LRRTM4: variants seen among roughly 807,000 people sequenced by gnomAD.
The protein encoded by LRRTM4 is leucine-rich repeat transmembrane neuronal protein 4.
In LRRTM4, 25 loss-of-function variants were observed where a neutral mutation model predicts 47.6. The observed-to-expected ratio is 0.53, with a 90% CI of 0.38 to 0.73. The LOEUF (loss-of-function observed/expected upper bound fraction) is 0.73. LRRTM4 is among the 30% of genes least tolerant of loss of function. LRRTM4 has a pLI of 0.00. For missense variants in LRRTM4, 638 were observed against 713.4 expected (o/e 0.89, Z 1.20); for synonymous variants, 311 against 269.5 (o/e 1.15, Z -1.51).
intron 3 of LRRTM4, among the ~76,000 whole-genome samples, chr2:77,376,502 C>A (rs932505129): frequency 6.6e-6 from 1 of 150,414 alleles, no homozygotes; most frequent in Non-Finnish European, 1.5e-5. Context: ...TGCTTAACAT[C>A]CTGTAATCTG....
chr2:77,100,113 A>T (rs2103908569), intron 3 of LRRTM4, among the ~76,000 whole-genome samples: 1 of 152,248 alleles, frequency 6.6e-6, no homozygotes, highest in East Asian at 1.9e-4. Flanking sequence ...TTTACACATT[A>T]ACCTCCTTGT....
rs529313472 is a variant in LRRTM4, at chr2:77,266,748, G to C, written c.1551+251570C>G. On this transcript the variant is annotated intron_variant, in intron 3 of 3. Transcript: ENST00000409884. ...AGGAGGACAGTTCTGCAAATCAACA[G>C]AACTGTTGGGGCTTCAGACTGCAGG... 3.9e-5 allele frequency among the ~76,000 whole-genome samples: 6 copies of C among 152,226 alleles called. No individual in the cohort carries two copies. In the South Asian group the frequency reaches 1.2e-3, roughly 32 times the overall value.
At chr2:76,798,626 C>A (rs972640558) in intron 3 of LRRTM4, among the ~76,000 whole-genome samples, 4 of 151,074 alleles carry the variant, frequency 2.6e-5, no homozygotes, top group Admixed American at 6.6e-5. Flanking sequence ...GAAATAGAGA[C>A]ACAAAAAACC....
chr2:76,758,155 T>C (rs986167340), intron 3 of LRRTM4, among the ~76,000 whole-genome samples: 4 of 152,194 alleles, frequency 2.6e-5, no homozygotes, highest in African/African-American at 9.6e-5. Flanking sequence ...CTGAGAAGGA[T>C]GCAACTGATT....
chr2:76,786,665 C>G (rs918917366), intron 3 of LRRTM4, among the ~76,000 whole-genome samples: 1 of 152,046 alleles, frequency 6.6e-6, no homozygotes, highest in Admixed American at 6.6e-5. Context: ...CAGATGCATT[C>G]AGACAACTTC....
At chr2:77,483,922 C>G (rs144116506) in intron 3 of LRRTM4, among the ~76,000 whole-genome samples, 1 of 152,246 alleles carries the variant, frequency 6.6e-6, no homozygotes, top group Non-Finnish European at 1.5e-5. Context: ...GTCTATCTGT[C>G]AATCTTGTAT....
chr2:77,031,930 A>G (rs560227702), intron 3 of LRRTM4, among the ~76,000 whole-genome samples: 47 of 152,166 alleles, frequency 3.1e-4, no homozygotes, highest in African/African-American at 9.9e-4. Flanking sequence ...TCAGGCCCCT[A>G]ACCCTAACAT....
chr2:77,264,308 G>GAGAGGGAGAGAGAGAGAC (rs374514504), intron 3 of LRRTM4, among the ~76,000 whole-genome samples: 4,476 of 152,010 alleles, frequency 0.029, 245 homozygotes, highest in African/African-American at 0.1. Context: ...GAAAGCGAGA[G>GAGAGGGAGAGAGAGAGAC]AGAGGGAGAG....
At chr2:77,048,324 A>C (rs560552452) in intron 3 of LRRTM4, among the ~76,000 whole-genome samples, 1 of 152,144 alleles carries the variant, frequency 6.6e-6, no homozygotes, top group Non-Finnish European at 1.5e-5. Flanking sequence ...AGGGAAGTGG[A>C]CCCATACATG....
chr2:77,000,096 T>A (rs1329891087), intron 3 of LRRTM4, among the ~76,000 whole-genome samples: 2 of 152,128 alleles, frequency 1.3e-5, no homozygotes, highest in African/African-American at 2.4e-5. Context: ...TTCACTGGAC[T>A]TGATGAATTG....
chr2:76,874,433 A>G (rs1672722789), intron 3 of LRRTM4, among the ~76,000 whole-genome samples: 1 of 152,026 alleles, frequency 6.6e-6, no homozygotes, highest in Non-Finnish European at 1.5e-5. Context: ...ACACAGAGCT[A>G]GCCATGTAAT....
chr2:77,448,350 G>A (rs1229302161), intron 3 of LRRTM4, among the ~76,000 whole-genome samples: 1 of 152,190 alleles, frequency 6.6e-6, no homozygotes, highest in South Asian at 2.1e-4. Flanking sequence ...CATAAGAGAC[G>A]AAATTATCAC....
intron 3 of LRRTM4, among the ~76,000 whole-genome samples, chr2:77,088,643 G>A (rs189888622): frequency 0.022 from 3,328 of 152,262 alleles, 81 homozygotes; most frequent in African/African-American, 0.069. Flanking sequence ...CACAAAGCCT[G>A]TTTGGTGGTC....
intron 3 of LRRTM4, among the ~76,000 whole-genome samples, chr2:77,192,569 T>A (rs960308407): frequency 1.3e-5 from 2 of 152,090 alleles, no homozygotes; most frequent in African/African-American, 2.4e-5. Context: ...TAACCTTTTT[T>A]AAAGTAACCA....
chr2:76,770,561 C>T (rs1444715706), intron 3 of LRRTM4, among the ~76,000 whole-genome samples: 9 of 152,104 alleles, frequency 5.9e-5, no homozygotes, highest in South Asian at 2.1e-4. Context: ...GTTTTAATTT[C>T]GGGATGAAAA....
At chr2:77,109,340 A>C (rs1260927682) in intron 3 of LRRTM4, among the ~76,000 whole-genome samples, 2 of 152,246 alleles carry the variant, frequency 1.3e-5, no homozygotes, top group Non-Finnish European at 2.9e-5. Flanking sequence ...AGTTTCAATT[A>C]GAAAATTAGG....
chr2:77,022,432 G>A (rs544473845), intron 3 of LRRTM4, among the ~76,000 whole-genome samples: 9 of 152,018 alleles, frequency 5.9e-5, no homozygotes, highest in African/African-American at 1.9e-4. Context: ...GTCCCCCAAA[G>A]TCTTAACTCA....
chr2:77,090,472 C>A (rs1670576353), intron 3 of LRRTM4, among the ~76,000 whole-genome samples: 1 of 152,118 alleles, frequency 6.6e-6, no homozygotes, highest in Admixed American at 6.5e-5. Flanking sequence ...GCCCTCAAAC[C>A]CCACAACAGG....
intron 3 of LRRTM4, among the ~76,000 whole-genome samples, chr2:77,040,001 A>G (rs552689859): frequency 6.6e-6 from 1 of 151,156 alleles, no homozygotes; most frequent in Admixed American, 6.6e-5. Context: ...AAGTATGAGG[A>G]TGTATTTGTT....
Sources: gnomAD v4.1 joint callset for allele counts (sites outside exome capture counted in the v4.1 genomes callset) on GRCh38, gnomAD v4.1.1 for gene constraint, MANE v1.5 for transcripts, NCBI Gene and HGNC (gene_info 2026-07-23, HGNC 2026-07-21) for gene names.